TRAK1: variants seen among roughly 807,000 people sequenced by gnomAD.
TRAK1 encodes trafficking kinesin-binding protein 1.
TRAK1 carries 33 observed loss-of-function variants against 92.1 expected under a neutral mutation model. The observed-to-expected ratio is 0.36, with a 90% confidence interval of 0.27 to 0.48. The LOEUF is 0.48. Among genes scored for constraint, TRAK1 ranks in the 20% least tolerant of loss-of-function variants. The probability of loss-of-function intolerance (pLI) is 0.99; values close to 1 mark genes in which losing one functional copy is unlikely to be tolerated. For missense variants in TRAK1, 1,123 were observed against 1,257.9 expected, an observed-to-expected ratio of 0.89 and a Z score of 1.62; for synonymous variants, 521 against 517.3, an observed-to-expected ratio of 1.01 and a Z score of -0.10.
upstream of TRAK1, chr3:42,091,304 T>C (rs142994301): frequency 1.3e-3 from 787 of 621,668 alleles, 2 homozygotes; most frequent in East Asian, 0.011. Flanking sequence ...ACATAACCCA[T>C]TGTGCTTCCA....
chr3:42,148,406 T>A lies in TRAK1; in HGVS notation c.286+22792T>A, dbSNP rs538931780. ...CTATAGGATAGCCTAGAATCTGTCTTATTATCCACTACCTTGTTTTATTAT... is the reference window on the plus strand; with the variant it reads ...CTATAGGATAGCCTAGAATCTGTCTAATTATCCACTACCTTGTTTTATTAT... On this transcript the variant is annotated intron_variant, in intron 2 of 15. Coordinates refer to ENST00000327628, the MANE Select transcript of TRAK1 (RefSeq NM_001042646.3). 2.6e-5 allele frequency among the ~76,000 whole-genome samples: 4 copies of A among 152,350 alleles called. No individual in the cohort carries two copies. The South Asian group carries it at 8.3e-4, about 32-fold the overall frequency.
At chr3:42,179,875 A>G (rs1703751951) in intron 3 of TRAK1, among the ~76,000 whole-genome samples, 1 of 152,018 alleles carries the variant, frequency 6.6e-6, no homozygotes, top group Admixed American at 6.5e-5. Flanking sequence ...TCCAGTGGCC[A>G]TCTTCTAGCT....
intron 2 of TRAK1, among the ~76,000 whole-genome samples, chr3:42,152,239 T>C (rs2149264112): frequency 2.0e-5 from 3 of 152,290 alleles, no homozygotes; most frequent in Middle Eastern, 6.8e-3. Context: ...ATAAGAGGCA[T>C]GGGACAGGGG....
intron 2 of TRAK1, among the ~76,000 whole-genome samples, chr3:42,128,520 C>CA (rs1285729015): frequency 6.6e-6 from 1 of 152,244 alleles, no homozygotes; most frequent in Non-Finnish European, 1.5e-5. Flanking sequence ...AGAGCTCTCT[C>CA]ACTAAGGTCC....
chr3:42,223,961 G>T lies in TRAK1; in HGVS notation c.*224G>T, dbSNP rs775835984. 1.6e-6 allele frequency: 1 copy of T among 643,960 alleles called. No individual in the cohort carries two copies. Among genetic ancestry groups the T allele is most frequent in the South Asian group, 1.6e-5 (1 of 61,828 alleles). The allele number at this position is 643,960 out of a possible 1,614,324, so 39.9% of individuals were successfully genotyped here. ...TTGTGTCCGCCCTGCTCTTTCTTCCGATCCCACAGGAAGTGCCCCTGCACT... is the reference window on the plus strand; with the variant it reads ...TTGTGTCCGCCCTGCTCTTTCTTCCTATCCCACAGGAAGTGCCCCTGCACT... On this transcript the variant is annotated 3_prime_UTR_variant, in exon 16 of 16. Transcript: ENST00000327628. The surrounding 1 kb of genome is among the most constrained non-coding windows in gnomAD (Gnocchi z 6.1).
At chr3:42,132,449 A>G (rs1697338916) in intron 2 of TRAK1, among the ~76,000 whole-genome samples, 1 of 151,688 alleles carries the variant, frequency 6.6e-6, no homozygotes. Context: ...TTTTTTGTAG[A>G]GACAGGGTTT....
chr3:42,107,563 T>C (rs1415313741), intron 1 of TRAK1, among the ~76,000 whole-genome samples: 1 of 151,140 alleles, frequency 6.6e-6, no homozygotes, highest in Non-Finnish European at 1.5e-5. Flanking sequence ...AGAAACTTCA[T>C]CTGAACTCCC....
intron 2 of TRAK1, among the ~76,000 whole-genome samples, chr3:42,127,150 T>G (rs769404497): frequency 1.3e-5 from 2 of 152,166 alleles, no homozygotes; most frequent in Non-Finnish European, 2.9e-5. Context: ...ACCTCCTTGG[T>G]AGATTTTGTA....
chr3:42,023,177 A>G (rs1358653240), intron 1 of TRAK1, among the ~76,000 whole-genome samples: 2 of 144,806 alleles, frequency 1.4e-5, no homozygotes, highest in Non-Finnish European at 3.1e-5. Context: ...AAAAAAAACA[A>G]CAAAAAGAAA....
chr3:42,070,921 C>T (rs1703905599), intron 1 of TRAK1, among the ~76,000 whole-genome samples: 1 of 152,164 alleles, frequency 6.6e-6, no homozygotes, highest in Non-Finnish European at 1.5e-5. Context: ...TAATAAACAG[C>T]CTTGGGTTCA....
intron 1 of TRAK1, among the ~76,000 whole-genome samples, chr3:42,102,716 G>A (rs931778847): frequency 6.6e-6 from 1 of 152,184 alleles, no homozygotes; most frequent in Non-Finnish European, 1.5e-5. Flanking sequence ...CGGGCCCCTA[G>A]TCTGAGCCAT....
intron 1 of TRAK1, among the ~76,000 whole-genome samples, chr3:42,063,384 T>C (rs1474319596): frequency 1.3e-5 from 2 of 152,230 alleles, no homozygotes; most frequent in Non-Finnish European, 2.9e-5. Flanking sequence ...GATGCAGTTC[T>C]TGCTCTTTTG....
chr3:42,060,379 G>A (rs1703379983), intron 1 of TRAK1, among the ~76,000 whole-genome samples: 1 of 152,088 alleles, frequency 6.6e-6, no homozygotes, highest in African/African-American at 2.4e-5. Flanking sequence ...GGTAAAGGGA[G>A]ATTCCAGGTA....
intron 2 of TRAK1, chr3:42,149,285 C>G: frequency 7.2e-7 from 1 of 1,389,464 alleles, no homozygotes; most frequent in Non-Finnish European, 9.3e-7. Context: ...GCCAGGGTCT[C>G]CGTTAGCTCT....
intron 1 of TRAK1, among the ~76,000 whole-genome samples, chr3:42,102,677 G>A (rs1292825328): frequency 1.3e-5 from 2 of 152,250 alleles, no homozygotes; most frequent in East Asian, 1.9e-4. Flanking sequence ...AGTTTCTGGC[G>A]GCTCTACCCT....
rs541437765 is a variant in TRAK1 at position 42,038,932 on chromosome 3, G to A, written c.-519+24815G>A. ...GTTGGGATTGATTTTTTAAAAATCA[G>A]CCTTGAGATTAATTCATATACCTTA... On this transcript the variant is annotated intron_variant, in intron 1 of 16. Coordinates refer to the TRAK1 transcript ENST00000487159. 1.9e-4 allele frequency among the ~76,000 whole-genome samples: 28 copies of A among 147,638 alleles called. No homozygotes were observed. The East Asian group carries it at 2.2e-3, about 12-fold the overall frequency.
Position 42,202,541 on chromosome 3 carries a change from G to T in TRAK1, c.1533G>T (p.Ser511=). The part of the protein sequence containing the change: ...RLSLRRENYL[S]ERRFFEEEQE... The stretch of plus-strand genomic sequence containing the variant: ...CCCTGCGCCGGGAGAACTACCTCTC[G>T]GAGAGGAGGTTCTTTGAGGAGGAGC... The change falls in exon 13 of 16, where the codon TCG becomes TCT. Residue 511 remains serine, a synonymous_variant. Coordinates refer to ENST00000327628, the MANE Select transcript of TRAK1 (RefSeq NM_001042646.3). This position sits in a 1 kb window ranked among gnomAD's most constrained non-coding sequence, Gnocchi z 6.1. The T allele has an allele frequency of 6.4e-7, 1 of 1,569,182 alleles. No individual in the cohort carries two copies. The highest frequency in any genetic ancestry group is 8.7e-7 in the Non-Finnish European group (1 of 1,150,636).
At chr3:42,115,317 C>T (rs1709032701) in intron 1 of TRAK1, among the ~76,000 whole-genome samples, 1 of 152,194 alleles carries the variant, frequency 6.6e-6, no homozygotes, top group African/African-American at 2.4e-5. Context: ...TCCTTCCTCC[C>T]TTTCCTTTGC....
chr3:42,104,688 T>C (rs922856191), intron 1 of TRAK1, among the ~76,000 whole-genome samples: 15 of 152,140 alleles, frequency 9.9e-5, no homozygotes, highest in African/African-American at 3.6e-4. Context: ...CAAAACCCCA[T>C]CTGTACGTCA....
Sources: allele counts gnomAD v4.1 joint callset (sites outside exome capture counted in the v4.1 genomes callset), GRCh38; gene constraint gnomAD v4.1.1; non-coding constraint Gnocchi (gnomAD v3.1); transcripts MANE v1.5; gene names NCBI Gene and HGNC (gene_info 2026-07-23, HGNC 2026-07-21).